Variants in FBXO42 observed in about 807,000 individuals in gnomAD.
FBXO42 encodes F-box only protein 42.
A neutral mutation model predicts 71.7 loss-of-function variants in FBXO42; 12 were observed. The ratio of observed to expected loss-of-function variants is 0.17; its 90% confidence interval spans 0.11 to 0.27. The LOEUF is 0.27. Among genes scored for constraint, FBXO42 ranks in the 10% least tolerant of loss-of-function variants. The pLI, the probability that FBXO42 is intolerant of heterozygous loss-of-function variation, is 1.00. For synonymous variants in FBXO42, 325 were observed against 327.5 expected (o/e 0.99, Z 0.08); for missense variants, 707 against 911.9 (o/e 0.78, Z 2.89).
At chr1:16,309,523 C>G (rs773718980) in intron 2 of FBXO42, among the ~76,000 whole-genome samples, 1 of 152,154 alleles carries the variant, frequency 6.6e-6, no homozygotes, top group African/African-American at 2.4e-5. Context: ...TAAAACTCCT[C>G]GAAGATAACA....
intron 2 of FBXO42, among the ~76,000 whole-genome samples, chr1:16,311,135 G>C (rs563558535): frequency 7.0e-6 from 1 of 142,604 alleles, no homozygotes; most frequent in African/African-American, 2.7e-5. Context: ...CCGAGATCGC[G>C]CCCCTGCACT....
chr1:16,282,700 G>C (rs2081977380), intron 4 of FBXO42, among the ~76,000 whole-genome samples: 1 of 151,766 alleles, frequency 6.6e-6, no homozygotes, highest in Non-Finnish European at 1.5e-5. Flanking sequence ...ATGCTGATCG[G>C]CTGAGTGCAG....
At position 16,300,291 on chromosome 1, in the gene FBXO42, C is replaced by T. The variant is rs149610541; in HGVS notation, c.368-5374G>A. Among the ~76,000 whole-genome samples, 783 of 152,198 alleles carry T rather than the reference C, an allele frequency of 5.1e-3. 7 individuals carry two copies. The highest frequency in any genetic ancestry group is 0.018 in the African/African-American group (748 of 41,522). On this transcript the variant is annotated intron_variant, in intron 3 of 9. Coordinates refer to ENST00000375592, the MANE Select transcript of FBXO42 (RefSeq NM_018994.3). Reference sequence around the variant, plus strand: ...ATCTCTTCAAGTTTTCTGAAATGGGCTTAGTTTACGACACATACTAATCAT... The same window carrying T: ...ATCTCTTCAAGTTTTCTGAAATGGGTTTAGTTTACGACACATACTAATCAT...
At chr1:16,348,936 A>C (rs988135695) in intron 1 of FBXO42, among the ~76,000 whole-genome samples, 23 of 152,240 alleles carry the variant, frequency 1.5e-4, no homozygotes, top group African/African-American at 4.3e-4. Flanking sequence ...AAAACAAAAA[A>C]GCATCATCAC....
At chr1:16,349,637 G>C (rs2082681543) in intron 1 of FBXO42, among the ~76,000 whole-genome samples, 1 of 152,196 alleles carries the variant, frequency 6.6e-6, no homozygotes, top group Non-Finnish European at 1.5e-5. Flanking sequence ...AAGGCAGGTG[G>C]ATCGCCTGCG....
Position 16,295,062 on chromosome 1 carries a change from C to T in FBXO42, c.368-145G>A, listed in dbSNP as rs1183411429. The T allele has an allele frequency of 1.2e-5, 11 of 887,934 alleles. No homozygotes were observed. In the East Asian group the frequency reaches 2.4e-4, roughly 20 times the overall value. The allele number at this position is 887,934 out of a possible 1,614,324, so 55.0% of individuals were successfully genotyped here. A position where few individuals can be genotyped will look rare whatever the true frequency, so the allele number is the denominator to read the frequency against. ...CAAATTTCTATTACCAGCCTCTTGT[C>T]TCCAAGTGGATCAATATATTACCCT... On this transcript the variant is annotated intron_variant, in intron 3 of 9. Coordinates refer to ENST00000375592, the MANE Select transcript of FBXO42 (RefSeq NM_018994.3).
chr1:16,342,753 TAGG>T (rs1032422280), intron 1 of FBXO42, among the ~76,000 whole-genome samples: 1 of 152,128 alleles, frequency 6.6e-6, no homozygotes, highest in Non-Finnish European at 1.5e-5. Context: ...GTGGTGGTGT[TAGG>T]AGGTGGGGCC....
intron 6 of FBXO42, among the ~76,000 whole-genome samples, chr1:16,255,179 A>G (rs1468163918): frequency 2.0e-5 from 3 of 152,206 alleles, no homozygotes; most frequent in Non-Finnish European, 4.4e-5. Flanking sequence ...CCTACTGAAT[A>G]GAACCATATG....
chr1:16,340,839 T>A (rs2082597595), intron 1 of FBXO42, among the ~76,000 whole-genome samples: 1 of 152,180 alleles, frequency 6.6e-6, no homozygotes, highest in Admixed American at 6.6e-5. Flanking sequence ...ATGAGGAAAG[T>A]GAGGTCAGAA....
intron 4 of FBXO42, among the ~76,000 whole-genome samples, chr1:16,270,674 C>CAAAAAAAAAAAAAAAAA (rs34861558): frequency 6.7e-5 from 1 of 14,906 alleles, no homozygotes; most frequent in Non-Finnish European, 1.2e-4. Flanking sequence ...CTCTGTCTCT[C>CAAAAAAAAAAAAAAAAA]AAAAAAAAAA....
At chr1:16,281,298 T>G (rs561220736) in intron 4 of FBXO42, among the ~76,000 whole-genome samples, 2 of 152,248 alleles carry the variant, frequency 1.3e-5, no homozygotes, top group South Asian at 2.1e-4. Context: ...ATAATTATAG[T>G]ATCATCCTAT....
chr1:16,338,804 CTTTTTTTTT>C (rs71574177), intron 1 of FBXO42, among the ~76,000 whole-genome samples: 5 of 80,986 alleles, frequency 6.2e-5, no homozygotes, highest in South Asian at 5.0e-4. Flanking sequence ...TTCCATTTGT[CTTTTTTTTT>C]TTTTTTTTTT....
At chr1:16,279,706 G>C (rs1034046579) in intron 4 of FBXO42, among the ~76,000 whole-genome samples, 1 of 151,908 alleles carries the variant, frequency 6.6e-6, no homozygotes, top group African/African-American at 2.4e-5. Context: ...GAGAATAACA[G>C]GAAAAGAAAG....
rs560020033 is a variant in FBXO42, at chr1:16,252,712, T to C, written c.922-308A>G. Among the ~76,000 whole-genome samples the C allele has an allele frequency of 1.3e-4, 20 of 152,324 alleles. No individual in the cohort carries two copies. The highest frequency in any genetic ancestry group is 4.6e-4 in the African/African-American group (19 of 41,582). ...GGGGATTGAAGGAGAGGATAAATAATACATATCCACAACTTTCTGAATCTG... is the reference window on the plus strand; with the variant it reads ...GGGGATTGAAGGAGAGGATAAATAACACATATCCACAACTTTCTGAATCTG... On this transcript the variant is annotated intron_variant, in intron 8 of 9. Transcript: ENST00000375592. The surrounding 1 kb of genome is among the most constrained non-coding windows in gnomAD (Gnocchi z 4.4).
chr1:16,271,446 A>G (rs1032340564), intron 4 of FBXO42, among the ~76,000 whole-genome samples: 1 of 151,816 alleles, frequency 6.6e-6, no homozygotes, highest in African/African-American at 2.4e-5. Context: ...ACACCTGGCT[A>G]ATTTTTGTAT....
chr1:16,291,832 C>T (rs774096837), intron 4 of FBXO42, among the ~76,000 whole-genome samples: 2 of 151,928 alleles, frequency 1.3e-5, no homozygotes, highest in African/African-American at 2.4e-5. Flanking sequence ...CCATCATGCC[C>T]GGCTCATTTT....
At chr1:16,331,830 C>T (rs568674012) in intron 1 of FBXO42, among the ~76,000 whole-genome samples, 1 of 152,150 alleles carries the variant, frequency 6.6e-6, no homozygotes, top group Non-Finnish European at 1.5e-5. Context: ...GCGCGCAGAT[C>T]ACCTGAGGTC....
Position 16,264,086 on chromosome 1 carries a change from C to T in FBXO42, c.503-7327G>A, listed in dbSNP as rs547469099. On this transcript the variant is annotated intron_variant, in intron 4 of 9. Coordinates refer to ENST00000375592, the MANE Select transcript of FBXO42 (RefSeq NM_018994.3). ...TCAGCCTCCCAAAGTGCAGGGATTA[C>T]AGGCATGAGCCACCATGCCAGGCCA... is the stretch of plus-strand genomic sequence containing the variant. Among the ~76,000 whole-genome samples, 3 of 152,270 alleles carry T rather than the reference C, an allele frequency of 2.0e-5. No individual in the cohort carries two copies. The South Asian group carries it at 6.2e-4, about 32-fold the overall frequency.
chr1:16,276,421 A>G, intron 4 of FBXO42, among the ~76,000 whole-genome samples: 1 of 151,610 alleles, frequency 6.6e-6, no homozygotes, highest in Non-Finnish European at 1.5e-5. Flanking sequence ...AGAAAACTGG[A>G]GAACTTGAGA....
Sources: gnomAD v4.1 joint callset for allele counts (sites outside exome capture counted in the v4.1 genomes callset) on GRCh38, gnomAD v4.1.1 for gene constraint, Gnocchi (gnomAD v3.1) non-coding constraint, MANE v1.5 for transcripts, NCBI Gene and HGNC (gene_info 2026-07-23, HGNC 2026-07-21) for gene names.